CNTRL: variants seen among roughly 807,000 people sequenced by gnomAD.
The protein encoded by CNTRL is centriolin, also known as 110 kDa centrosomal protein.
A neutral mutation model predicts 303.7 loss-of-function variants in CNTRL; 233 were observed. The observed-to-expected ratio is 0.77, with a 90% CI of 0.69 to 0.86. CNTRL has a LOEUF of 0.86. Among genes scored for constraint, CNTRL ranks in the 40% least tolerant of loss-of-function variants. The pLI is 0.00. For synonymous variants in CNTRL, 900 were observed against 922.2 expected (o/e 0.98, Z 0.44); for missense variants, 2,524 against 2,650.6 (o/e 0.95, Z 1.05).
intron 14 of CNTRL, among the ~76,000 whole-genome samples, chr9:121,133,306 G>A (rs904087786): frequency 6.6e-6 from 1 of 152,222 alleles, no homozygotes; most frequent in Non-Finnish European, 1.5e-5. Flanking sequence ...CGCCCAGTTC[G>A]AGCTTCCTGG....
At chr9:121,089,173 A>G (rs1422123602) in intron 3 of CNTRL, among the ~76,000 whole-genome samples, 2 of 152,232 alleles carry the variant, frequency 1.3e-5, no homozygotes, top group African/African-American at 4.8e-5. Context: ...CTGAGTTTAT[A>G]CTATATCTTT....
Position 121,143,993 on chromosome 9 carries a change from A to G in CNTRL, c.2962A>G (p.Lys988Glu). 6.2e-7 allele frequency: 1 copy of G among 1,613,894 alleles called. No homozygotes were observed. The highest frequency in any genetic ancestry group is 8.5e-7 in the Non-Finnish European group (1 of 1,179,848). The change falls in exon 20 of 44, where the codon AAG (lysine) becomes GAG (glutamate). Residue 988 changes from lysine (K) to glutamate (E), a missense_variant. Lys to Glu is a moderately conservative substitution (Grantham distance 56, BLOSUM62 1). Transcript: ENST00000373855. ...AAAGAAAGCCGTGGCCACCTCTGAT[A>G]AGCTAGCCACAGCTGAGCTCACCAT... is the stretch of plus-strand genomic sequence containing the variant. ...KLKKAVATSD[K>E]LATAELTIAK...
chr9:121,153,461 T>C (rs1430341750), intron 26 of CNTRL, among the ~76,000 whole-genome samples: 1 of 152,172 alleles, frequency 6.6e-6, no homozygotes, highest in Non-Finnish European at 1.5e-5. Context: ...CTCCAACTTG[T>C]CTTCAAAATA....
In CNTRL at chr9:121,094,779, A is replaced by G. The variant is rs1294252129; in HGVS notation, c.349-109A>G. 5.1e-6 allele frequency: 4 copies of G among 779,830 alleles called. No homozygotes were observed. In the East Asian group the frequency reaches 8.2e-5, roughly 16 times the overall value. The allele number at this position is 779,830 out of a possible 1,614,324, so 48.3% of individuals were successfully genotyped here. On this transcript the variant is annotated intron_variant, in intron 4 of 43. Coordinates refer to ENST00000373855, the MANE Select transcript of CNTRL (RefSeq NM_007018.6). ...TTCTCCAGGAGAGCAGTAAGGGTAT[A>G]TTATTTTCTGATGACTGATCAAACA...
At chr9:121,109,008 G>A (rs2049616999) in intron 8 of CNTRL, among the ~76,000 whole-genome samples, 1 of 152,086 alleles carries the variant, frequency 6.6e-6, no homozygotes, top group Non-Finnish European at 1.5e-5. Context: ...AAAAAGGAAT[G>A]TTACTGTATA....
At chr9:121,097,706 G>A (rs2048950489) in intron 6 of CNTRL, among the ~76,000 whole-genome samples, 3 of 152,178 alleles carry the variant, frequency 2.0e-5, no homozygotes, top group Admixed American at 2.0e-4. Flanking sequence ...TATTCCTGAA[G>A]TAGTTGATCC....
rs1295116712 is a variant in CNTRL, at chr9:121,167,764, A to G, written c.5844+87A>G. The stretch of plus-strand genomic sequence containing the variant: ...TCCCCTGGCAGAAAGCTGCTGAGAA[A>G]TATCCCCAATGGGACTATGTGTCCC... On this transcript the variant is annotated intron_variant, in intron 37 of 43. Coordinates refer to ENST00000373855, the MANE Select transcript of CNTRL (RefSeq NM_007018.6). The G allele has an allele frequency of 1.6e-5, 19 of 1,182,496 alleles. No individual in the cohort carries two copies. The Middle Eastern group carries it at 8.1e-4, about 50-fold the overall frequency. 73.3% of individuals were successfully genotyped at this position (1,182,496 alleles called of 1,614,324 possible). A position where few individuals can be genotyped will look rare whatever the true frequency, so the allele number is the denominator to read the frequency against.
At position 121,140,374 on chromosome 9, in the gene CNTRL, G is replaced by A. The variant is rs905210890; in HGVS notation, c.2338-267G>A. Among the ~76,000 whole-genome samples, 4 of 152,166 alleles carry A rather than the reference G, an allele frequency of 2.6e-5. No homozygotes were observed. The South Asian group carries it at 8.3e-4, about 31-fold the overall frequency. ...CAGAAAGGGCTGCCTTGGGGCAATG[G>A]GCATGGACAGTTTACAGATAAAGAG... On this transcript the variant is annotated intron_variant, in intron 16 of 43. Coordinates refer to ENST00000373855, the MANE Select transcript of CNTRL (RefSeq NM_007018.6).
In CNTRL at chr9:121,161,071, G is replaced by GA. The variant is rs1455377180; in HGVS notation, c.5089+776dup. On this transcript the variant is annotated intron_variant, in intron 32 of 43. Coordinates refer to ENST00000373855, the MANE Select transcript of CNTRL (RefSeq NM_007018.6). ...ATGCAAACATGACCATGAGAAGAATGAAAAAAAGTAGGTAAAAAATGAATA... is the reference window on the plus strand; with the variant it reads ...ATGCAAACATGACCATGAGAAGAATGAAAAAAAAGTAGGTAAAAAATGAATA... 1.1e-4 allele frequency among the ~76,000 whole-genome samples: 16 copies of GA among 152,018 alleles called. No individual in the cohort carries two copies. The South Asian group carries it at 3.1e-3, about 30-fold the overall frequency.
chr9:121,088,155 G>T (rs2048420416), intron 2 of CNTRL, 141 bp from the exon 3 acceptor site: 1 of 596,744 alleles, frequency 1.7e-6, no homozygotes, highest in East Asian at 2.8e-5. Context: ...TACAGTGTCT[G>T]CTCCATCAGC....
At chr9:121,158,444 GTCT>G (rs1188878042) in intron 30 of CNTRL, 6 of 248,486 alleles carry the variant, frequency 2.4e-5, no homozygotes, top group South Asian at 9.2e-5. Flanking sequence ...TATCTGCATG[GTCT>G]TCTTTTTTTT....
intron 8 of CNTRL, among the ~76,000 whole-genome samples, chr9:121,109,166 T>C (rs1459394716): frequency 4.6e-5 from 7 of 152,160 alleles, no homozygotes. Flanking sequence ...AAATCATTGC[T>C]AGATTACTTA....
intron 19 of CNTRL, among the ~76,000 whole-genome samples, chr9:121,143,076 A>T (rs1330081510): frequency 6.6e-6 from 1 of 152,110 alleles, no homozygotes; most frequent in Non-Finnish European, 1.5e-5. Flanking sequence ...ATAAACTCAT[A>T]GTTACCAATC....
chr9:121,085,829 G>A (rs556258095), intron 2 of CNTRL, among the ~76,000 whole-genome samples: 9 of 152,198 alleles, frequency 5.9e-5, no homozygotes, highest in Non-Finnish European at 1.2e-4. Context: ...GCAATGGTAT[G>A]TGGTGGGGAG....
rs377568552 is a variant in CNTRL at position 121,154,887 on chromosome 9, A to G, written c.4339A>G (p.Ser1447Gly). The change falls in exon 27 of 44, where the codon AGT becomes GGT. Residue 1447 changes from serine (S) to glycine (G), a missense_variant. By Grantham distance (56) the Ser-to-Gly change is moderately conservative. Transcript: ENST00000373855. Reference protein sequence around the residue: ...EADRLLAEAESELSCTKEKTK... With the variant: ...EADRLLAEAEGELSCTKEKTK... ...TGACCGACTCCTGGCAGAGGCTGAG[A>G]GTGAACTTTCATGCACTAAAGAAAA... 1 of 1,614,182 alleles carries G rather than the reference A, an allele frequency of 6.2e-7. No individual in the cohort carries two copies. The highest frequency in any genetic ancestry group is 8.5e-7 in the Non-Finnish European group (1 of 1,180,004).
chr9:121,083,082 T>A (rs2048208518), intron 2 of CNTRL, among the ~76,000 whole-genome samples: 1 of 152,132 alleles, frequency 6.6e-6, no homozygotes, highest in African/African-American at 2.4e-5. Flanking sequence ...GACTGGAAGT[T>A]TCTTTCCCAG....
intron 30 of CNTRL, 49 bp from the exon 31 acceptor site, chr9:121,158,806 G>C (rs1187837522): frequency 6.4e-7 from 1 of 1,552,100 alleles, no homozygotes; most frequent in Admixed American, 1.7e-5. Context: ...TTAGCACTGA[G>C]GGCTGTATGG....
intron 34 of CNTRL, among the ~76,000 whole-genome samples, chr9:121,164,306 T>G (rs531754419): frequency 1.3e-5 from 2 of 152,354 alleles, no homozygotes; most frequent in African/African-American, 4.8e-5. Flanking sequence ...ATTATATTTA[T>G]TCAAGAGAAA....
intron 43 of CNTRL, 35 bp downstream of exon 43, chr9:121,175,259 G>A (rs755912166): frequency 6.3e-7 from 1 of 1,589,742 alleles, no homozygotes; most frequent in Non-Finnish European, 8.6e-7. Context: ...CAAAACAATA[G>A]CCTGAGGTTG....
Sources: allele counts gnomAD v4.1 joint callset (sites outside exome capture counted in the v4.1 genomes callset), GRCh38; gene constraint gnomAD v4.1.1; transcripts MANE v1.5; gene names NCBI Gene and HGNC (gene_info 2026-07-23, HGNC 2026-07-21).